Variants in KSR2 observed in about 807,000 individuals in gnomAD.
KSR2 encodes kinase suppressor of ras 2.
Under a neutral mutation model 107.8 loss-of-function variants are expected in KSR2, and 25 were observed. That is an observed-to-expected ratio of 0.23 (90% CI 0.17 to 0.32). The LOEUF (loss-of-function observed/expected upper bound fraction) is 0.32. KSR2 is among the 10% of genes least tolerant of loss of function. The probability of loss-of-function intolerance (pLI) is 1.00; values close to 1 mark genes in which losing one functional copy is unlikely to be tolerated. For missense variants in KSR2, 887 were observed against 1,268.9 expected (o/e 0.70, Z 4.57); for synonymous variants, 480 against 507.0 (o/e 0.95, Z 0.71).
chr12:117,638,200 C>G (rs1387818856), intron 5 of KSR2, among the ~76,000 whole-genome samples: 2 of 152,174 alleles, frequency 1.3e-5, no homozygotes, highest in African/African-American at 4.8e-5. Flanking sequence ...TTATGCTGCT[C>G]TCTTCCCACG....
chr12:117,923,928 G>T (rs1184644059), intron 1 of KSR2, among the ~76,000 whole-genome samples: 1 of 150,824 alleles, frequency 6.6e-6, no homozygotes, highest in Non-Finnish European at 1.5e-5. Flanking sequence ...GCCCAGGCTG[G>T]AGTGCAATGG....
At chr12:117,674,879 C>A (rs949538447) in intron 4 of KSR2, among the ~76,000 whole-genome samples, 2 of 152,158 alleles carry the variant, frequency 1.3e-5, no homozygotes, top group South Asian at 4.2e-4. Context: ...CCACACCTAC[C>A]CTCCAACTTC....
intron 18 of KSR2, among the ~76,000 whole-genome samples, chr12:117,470,219 TC>T (rs1451595232): frequency 6.2e-4 from 86 of 138,826 alleles, no homozygotes; most frequent in African/African-American, 2.4e-3. Context: ...CATCCATCCA[TC>T]CATCCATCCG....
At chr12:117,950,749 A>AAATAATAATAATAAT (rs10700691) in intron 1 of KSR2, among the ~76,000 whole-genome samples, 37 of 132,132 alleles carry the variant, frequency 2.8e-4, no homozygotes, top group East Asian at 1.3e-3. Flanking sequence ...AAAAAAAAAA[A>AAATAATAATAATAAT]AATAATAATA....
intron 16 of KSR2, among the ~76,000 whole-genome samples, chr12:117,481,527 A>T (rs1376928878): frequency 6.6e-6 from 1 of 152,192 alleles, no homozygotes; most frequent in Admixed American, 6.5e-5. Flanking sequence ...CCCTCACTAG[A>T]CACTAAATTT....
At chr12:117,497,050 A>G (rs756265054) in intron 14 of KSR2, among the ~76,000 whole-genome samples, 12 of 151,670 alleles carry the variant, frequency 7.9e-5, no homozygotes, top group Non-Finnish European at 1.5e-4. Context: ...GCTAATTTTT[A>G]TATTTTTAGT....
intron 4 of KSR2, among the ~76,000 whole-genome samples, chr12:117,731,630 C>T (rs658978): frequency 0.68 from 103,665 of 151,582 alleles, 36,299 homozygotes; most frequent in South Asian, 0.85. Flanking sequence ...AGAGATCAGA[C>T]TGTTACTGTG....
chr12:117,838,428 A>C (rs1210450052), intron 3 of KSR2, among the ~76,000 whole-genome samples: 1 of 152,140 alleles, frequency 6.6e-6, no homozygotes, highest in Non-Finnish European at 1.5e-5. Context: ...CAGCCTCCCA[A>C]AGTGCTGGGA....
At chr12:117,819,185 G>A (rs1422366333) in intron 3 of KSR2, among the ~76,000 whole-genome samples, 2 of 152,130 alleles carry the variant, frequency 1.3e-5, no homozygotes, top group African/African-American at 4.8e-5. Context: ...GCCAGTTTGA[G>A]CTCATTCAAG....
intron 1 of KSR2, among the ~76,000 whole-genome samples, chr12:117,867,560 T>C (rs1211694366): frequency 6.6e-6 from 1 of 152,172 alleles, no homozygotes; most frequent in Non-Finnish European, 1.5e-5. Flanking sequence ...CCTCGGCCAA[T>C]AGGAGGCCTG....
chr12:117,497,778 A>G (rs1406991798), intron 14 of KSR2, among the ~76,000 whole-genome samples: 1 of 152,200 alleles, frequency 6.6e-6, no homozygotes, highest in African/African-American at 2.4e-5. Context: ...GTGGGGGTGT[A>G]CAGTCTGAAT....
At chr12:117,913,520 A>G (rs1176246829) in intron 1 of KSR2, among the ~76,000 whole-genome samples, 1 of 152,186 alleles carries the variant, frequency 6.6e-6, no homozygotes, top group East Asian at 1.9e-4. Context: ...AGGAGATCAT[A>G]CTCAAAAGGG....
At chr12:117,925,342 T>C (rs1205540185) in intron 1 of KSR2, among the ~76,000 whole-genome samples, 1 of 152,156 alleles carries the variant, frequency 6.6e-6, no homozygotes, top group Non-Finnish European at 1.5e-5. Context: ...CAGGCTGGTC[T>C]CGAACTCCTG....
In KSR2 at chr12:117,664,501, T is replaced by C. The variant is rs1237728661; in HGVS notation, c.1171+2973A>G. Among the ~76,000 whole-genome samples the C allele has an allele frequency of 4.6e-5, 7 of 152,200 alleles. No individual in the cohort carries two copies. The South Asian group carries it at 1.2e-3, about 27-fold the overall frequency. Reference sequence around the variant, plus strand: ...AGTTCTCTTCTGGAATTCACTGGCATGGGAATGGGAACTATTACAAACAAG... The same window carrying C: ...AGTTCTCTTCTGGAATTCACTGGCACGGGAATGGGAACTATTACAAACAAG... On this transcript the variant is annotated intron_variant, in intron 5 of 19. Coordinates refer to ENST00000339824, the MANE Select transcript of KSR2 (RefSeq NM_173598.6).
intron 14 of KSR2, among the ~76,000 whole-genome samples, chr12:117,509,939 A>G (rs1409806354): frequency 6.6e-6 from 1 of 152,234 alleles, no homozygotes; most frequent in Non-Finnish European, 1.5e-5. Flanking sequence ...CAAAGGGAGA[A>G]GATGACAAGA....
intron 1 of KSR2, among the ~76,000 whole-genome samples, chr12:117,928,182 C>CTTTT (rs35971412): frequency 1.4e-5 from 2 of 140,650 alleles, no homozygotes; most frequent in Non-Finnish European, 3.1e-5. Context: ...TCCTTCTTTC[C>CTTTT]TTTTTTTTTT....
chr12:117,795,330 C>CACCTTCCT (rs1890584522), intron 3 of KSR2, among the ~76,000 whole-genome samples: 1 of 152,310 alleles, frequency 6.6e-6, no homozygotes, highest in South Asian at 2.1e-4. Flanking sequence ...ACCTTCCTGG[C>CACCTTCCT]GACATCATCT....
intron 2 of KSR2, among the ~76,000 whole-genome samples, chr12:117,856,788 G>A (rs1354480786): frequency 6.6e-6 from 1 of 152,126 alleles, no homozygotes; most frequent in African/African-American, 2.4e-5. Flanking sequence ...GGGCAGTATT[G>A]CGGAATACAT....
At chr12:117,698,481 A>AT (rs113679432) in intron 4 of KSR2, among the ~76,000 whole-genome samples, 193 of 148,916 alleles carry the variant, frequency 1.3e-3, no homozygotes, top group African/African-American at 4.5e-3. Context: ...ACTCCCAGCT[A>AT]TTTTTTTTTT....
Sources: allele counts gnomAD v4.1 joint callset (sites outside exome capture counted in the v4.1 genomes callset), GRCh38; gene constraint gnomAD v4.1.1; transcripts MANE v1.5; gene names NCBI Gene and HGNC (gene_info 2026-07-23, HGNC 2026-07-21).